The following PRORP variants were observed in gnomAD, a reference collection of about 807,000 sequenced individuals.
The protein encoded by PRORP is mitochondrial ribonuclease P catalytic subunit.
In PRORP, 51 loss-of-function variants were observed where a neutral mutation model predicts 59.4. The observed-to-expected ratio is 0.86, with a 90% CI of 0.69 to 1.08. PRORP has a LOEUF of 1.08. PRORP is among the 50% of genes least tolerant of loss of function. The probability of loss-of-function intolerance (pLI) is 0.00; values close to 1 mark genes in which losing one functional copy is unlikely to be tolerated. For synonymous variants in PRORP, 231 were observed against 245.6 expected (o/e 0.94, Z 0.55); for missense variants, 646 against 690.3 (o/e 0.94, Z 0.72).
chr14:35,256,149 TGGCA>T (rs1194234602), intron 5 of PRORP, among the ~76,000 whole-genome samples: 5 of 150,260 alleles, frequency 3.3e-5, no homozygotes, highest in Non-Finnish European at 7.4e-5. Context: ...TTGGGCGTGG[TGGCA>T]GGCACCTGTA....
At chr14:35,214,590 T>C (rs2049537655) in intron 5 of PRORP, among the ~76,000 whole-genome samples, 1 of 152,154 alleles carries the variant, frequency 6.6e-6, no homozygotes, top group African/African-American at 2.4e-5. Flanking sequence ...CCATCTTACA[T>C]GGGTGTGGTT....
rs369280059 is a variant in PRORP, at chr14:35,216,170, GGAGA to G, written c.1275+35402_1275+35405del. Among the ~76,000 whole-genome samples, 374 of 84,132 alleles carry G rather than the reference GGAGA, an allele frequency of 4.4e-3. 5 individuals carry two copies. Among genetic ancestry groups the G allele is most frequent in the African/African-American group, 0.013 (346 of 27,430 alleles). The allele number at this position is 84,132 out of a possible 152,430, so 55.2% of individuals were successfully genotyped here. A position where few individuals can be genotyped will look rare whatever the true frequency, so the allele number is the denominator to read the frequency against. ...ATACATTTATATTAGAGAGAGAGAA[GGAGA>G]GAGAGAGATAGTTTTAACATTTTGA... On this transcript the variant is annotated intron_variant, in intron 5 of 7. Coordinates refer to ENST00000534898, the MANE Select transcript of PRORP (RefSeq NM_014672.4).
At chr14:35,174,934 T>A (rs1398597764) in intron 4 of PRORP, among the ~76,000 whole-genome samples, 4 of 124,424 alleles carry the variant, frequency 3.2e-5, no homozygotes, top group Non-Finnish European at 4.8e-5. Flanking sequence ...GATGTTCCCC[T>A]TCCTATGTCC....
At chr14:35,145,492 C>G (rs2047581870) in intron 4 of PRORP, among the ~76,000 whole-genome samples, 1 of 142,954 alleles carries the variant, frequency 7.0e-6, no homozygotes, top group South Asian at 2.3e-4. Context: ...GAGGCCGAGG[C>G]AGGCAGATCA....
At chr14:35,193,420 C>T (rs376145753) in intron 5 of PRORP, among the ~76,000 whole-genome samples, 1 of 152,272 alleles carries the variant, frequency 6.6e-6, no homozygotes, top group East Asian at 1.9e-4. Context: ...GGTTTTACTA[C>T]AGTGAGAGAA....
rs546742737 is a variant in PRORP at position 35,213,042 on chromosome 14, A to T, written c.1275+32265A>T. Among the ~76,000 whole-genome samples the T allele has an allele frequency of 3.3e-5, 5 of 152,268 alleles. No individual in the cohort carries two copies. In the South Asian group the frequency reaches 8.3e-4, roughly 25 times the overall value. Reference sequence around the variant, plus strand: ...GAGATGCCTACTTTCTTTAAACCTCATGAGCCAACCTCTGCCAACTTCCAG... The same window carrying T: ...GAGATGCCTACTTTCTTTAAACCTCTTGAGCCAACCTCTGCCAACTTCCAG... On this transcript the variant is annotated intron_variant, in intron 5 of 7. Coordinates refer to ENST00000534898, the MANE Select transcript of PRORP (RefSeq NM_014672.4).
chr14:35,262,970 T>C, intron 5 of PRORP: 1 of 1,598,916 alleles, frequency 6.3e-7, no homozygotes, highest in Non-Finnish European at 8.5e-7. Flanking sequence ...AAAACAAGGA[T>C]ATCAGGAAAT....
At position 35,277,274 on chromosome 14, in the gene PRORP, C is replaced by T. The variant is rs2051308541; in HGVS notation, c.*3708C>T. ...CTCCTGACCTCAGGTGATCCACCCACCTCAGCCTCCCAAAGTGCTGGGATT... is the reference window on the plus strand; with the variant it reads ...CTCCTGACCTCAGGTGATCCACCCATCTCAGCCTCCCAAAGTGCTGGGATT... On this transcript the variant is annotated 3_prime_UTR_variant, in exon 8 of 8. Coordinates refer to ENST00000534898, the MANE Select transcript of PRORP (RefSeq NM_014672.4). The T allele has an allele frequency of 6.6e-6, 1 of 152,318 alleles. No homozygotes were observed. Among genetic ancestry groups the T allele is most frequent in the South Asian group, 2.1e-4 (1 of 4,834 alleles). 9.4% of individuals were successfully genotyped at this position (152,318 alleles called of 1,614,324 possible).
intron 2 of PRORP, among the ~76,000 whole-genome samples, chr14:35,126,481 G>A (rs1372092780): frequency 3.3e-5 from 5 of 152,156 alleles, no homozygotes; most frequent in Non-Finnish European, 4.4e-5. Flanking sequence ...AAGGTCAGCC[G>A]CTTTTGGTAG....
intron 5 of PRORP, among the ~76,000 whole-genome samples, chr14:35,203,364 C>T (rs960375716): frequency 6.6e-6 from 1 of 151,830 alleles, no homozygotes; most frequent in Non-Finnish European, 1.5e-5. Context: ...CCCATCTCTA[C>T]AAAAAATGGA....
At chr14:35,220,683 T>A (rs2049750341) in intron 5 of PRORP, among the ~76,000 whole-genome samples, 1 of 152,206 alleles carries the variant, frequency 6.6e-6, no homozygotes, top group Non-Finnish European at 1.5e-5. Flanking sequence ...ACTACTATAT[T>A]TTCCTGAGTC....
rs186656561 is a variant in PRORP, at chr14:35,268,157, G to A, written c.1424+1282G>A. The stretch of plus-strand genomic sequence containing the variant: ...AAGATCAGGAGTTTGAGACCAGCCT[G>A]GCCAACATAGTGAACCCCATCTCTA... On this transcript the variant is annotated intron_variant, in intron 6 of 7. Transcript: ENST00000534898. Among the ~76,000 whole-genome samples the A allele has an allele frequency of 1.1e-3, 167 of 152,082 alleles. 1 individual carries two copies. The highest frequency in any genetic ancestry group is 3.7e-3 in the African/African-American group (155 of 41,480).
intron 5 of PRORP, among the ~76,000 whole-genome samples, chr14:35,243,312 T>G (rs988427573): frequency 6.6e-6 from 1 of 152,168 alleles, no homozygotes; most frequent in African/African-American, 2.4e-5. Flanking sequence ...CAGGCAGATC[T>G]CTTGAGCCCA....
At position 35,194,699 on chromosome 14, in the gene PRORP, A is replaced by T. The variant is rs577164155; in HGVS notation, c.1275+13922A>T. Among the ~76,000 whole-genome samples, 23 of 152,186 alleles carry T rather than the reference A, an allele frequency of 1.5e-4. No individual in the cohort carries two copies. The South Asian group carries it at 3.5e-3, about 23-fold the overall frequency. ...AAGTATAATTAATTAATTTTTTTTTAAAAAGTCAAAAAGTGCAACCTTCTG... is the reference window on the plus strand; with the variant it reads ...AAGTATAATTAATTAATTTTTTTTTTAAAAGTCAAAAAGTGCAACCTTCTG... On this transcript the variant is annotated intron_variant, in intron 5 of 7. Transcript: ENST00000534898.
chr14:35,172,413 T>TTTCCTTCCCTCCTTCC (rs2048333150), intron 4 of PRORP, among the ~76,000 whole-genome samples: 1 of 77,548 alleles, frequency 1.3e-5, no homozygotes, highest in African/African-American at 4.8e-5. Flanking sequence ...GGTTTCTTTC[T>TTTCCTTCCCTCCTTCC]TTCCTTCCTT....
Position 35,273,586 on chromosome 14 carries a change from A to G in PRORP, c.*20A>G. 6.2e-7 allele frequency: 1 copy of G among 1,606,954 alleles called. No homozygotes were observed. The highest frequency in any genetic ancestry group is 1.3e-5 in the African/African-American group (1 of 74,706). Reference sequence around the variant, plus strand: ...ACATAGAGATTCTTACCTCTATGCTAAGTTTGTGTTTGGGTACCCTCTAGG... The same window carrying G: ...ACATAGAGATTCTTACCTCTATGCTGAGTTTGTGTTTGGGTACCCTCTAGG... On this transcript the variant is annotated 3_prime_UTR_variant, in exon 8 of 8. Coordinates refer to ENST00000534898, the MANE Select transcript of PRORP (RefSeq NM_014672.4).
intron 5 of PRORP, among the ~76,000 whole-genome samples, chr14:35,192,054 C>G (rs563083281): frequency 6.6e-6 from 1 of 152,190 alleles, no homozygotes; most frequent in Admixed American, 6.5e-5. Flanking sequence ...TCAATAACTT[C>G]CCTTTACACT....
At chr14:35,125,200 T>C (rs1485437924) in intron 2 of PRORP, among the ~76,000 whole-genome samples, 1 of 152,130 alleles carries the variant, frequency 6.6e-6, no homozygotes, top group African/African-American at 2.4e-5. Context: ...CTTGGATGAT[T>C]AGAGTGGACA....
At chr14:35,124,301 T>TCTG (rs1053593310) in intron 2 of PRORP, 70 bp downstream of exon 2, 2 of 1,070,998 alleles carry the variant, frequency 1.9e-6, no homozygotes, top group African/African-American at 3.2e-5. Flanking sequence ...AGGGTCTTGC[T>TCTG]CTGTTGCCCA....
Sources: gnomAD v4.1 joint callset for allele counts (sites outside exome capture counted in the v4.1 genomes callset) on GRCh38, gnomAD v4.1.1 for gene constraint, MANE v1.5 for transcripts, NCBI Gene and HGNC (gene_info 2026-07-23, HGNC 2026-07-21) for gene names.